The following TSPAN12 variants were observed in gnomAD, a reference collection of about 807,000 sequenced individuals.
The protein encoded by TSPAN12 is tetraspanin-12.
Under a neutral mutation model 39.2 loss-of-function variants are expected in TSPAN12, and 19 were observed. The observed-to-expected ratio is 0.49, with a 90% CI of 0.34 to 0.71. The LOEUF (loss-of-function observed/expected upper bound fraction) is 0.71. Ranked by LOEUF, TSPAN12 falls within the 30% of genes least tolerant of loss-of-function variation. The pLI, the probability that TSPAN12 is intolerant of heterozygous loss-of-function variation, is 0.01. For synonymous variants in TSPAN12, 119 were observed against 124.8 expected (o/e 0.95, Z 0.31); for missense variants, 314 against 359.9 (o/e 0.87, Z 1.03).
intron 4 of TSPAN12, among the ~76,000 whole-genome samples, chr7:120,836,217 C>A (rs541631428): frequency 6.6e-6 from 1 of 152,196 alleles, no homozygotes; most frequent in East Asian, 1.9e-4. Flanking sequence ...GAGAAACAGA[C>A]CAGATGCAAA....
intron 2 of TSPAN12, among the ~76,000 whole-genome samples, chr7:120,844,017 T>G (rs1794625451): frequency 6.6e-6 from 1 of 152,114 alleles, no homozygotes; most frequent in Admixed American, 6.5e-5. Flanking sequence ...GAAACATGGC[T>G]GGGGAGGCCT....
intron 7 of TSPAN12, among the ~76,000 whole-genome samples, chr7:120,793,100 T>C (rs548344263): frequency 6.6e-6 from 1 of 152,308 alleles, no homozygotes; most frequent in South Asian, 2.1e-4. Flanking sequence ...GAATCAATTA[T>C]CCCTTTCTCT....
At chr7:120,847,205 A>T (rs1584953013) in intron 2 of TSPAN12, among the ~76,000 whole-genome samples, 1 of 150,672 alleles carries the variant, frequency 6.6e-6, no homozygotes, top group African/African-American at 2.5e-5. Flanking sequence ...TATAAAAATA[A>T]GTCCTACTTC....
At chr7:120,797,429 A>G (rs984318439) in intron 7 of TSPAN12, among the ~76,000 whole-genome samples, 10 of 152,386 alleles carry the variant, frequency 6.6e-5, no homozygotes, top group Non-Finnish European at 1.3e-4. Flanking sequence ...GCCTGGCAGC[A>G]TAGACTAGGT....
Position 120,788,855 on chromosome 7 carries a change from G to C in TSPAN12, c.655C>G (p.Gln219Glu), listed in dbSNP as rs1166759125. 6 of 1,613,994 alleles carry C rather than the reference G, an allele frequency of 3.7e-6. No homozygotes were observed. Among genetic ancestry groups the C allele is most frequent in the South Asian group, 1.1e-5 (1 of 91,082 alleles). The part of the protein sequence containing the change: ...KMYSFLRGTK[Q>E]LQVLRFLGIS... ...CCCAGAAACCTCAGCACCTGCAGTT[G>C]TTTGGTTCCTCTCAAAAAGGAATAC... The change falls in exon 8 of 8, where the codon CAA (glutamine) becomes GAA (glutamate). Residue 219 changes from glutamine (Q) to glutamate (E), a missense_variant. Transcript: ENST00000222747.
rs1793459072 is a variant in TSPAN12 at position 120,788,736 on chromosome 7, G to A, written c.774C>T (p.Asp258=). 6.2e-7 allele frequency: 1 copy of A among 1,614,116 alleles called. No individual in the cohort carries two copies. The highest frequency in any genetic ancestry group is 1.1e-5 in the South Asian group (1 of 91,086). ...TGTCATTCTTCAAGGACATCATTTG[G>A]TCTGTCCCCGGCTCCCTTCTATCAT... ...LYYDRREPGT[D]QMMSLKNDNS... is the part of the protein sequence containing the mutation. The change falls in exon 8 of 8, where the codon GAC becomes GAT. Residue 258 remains aspartate (D), a synonymous_variant. Transcript: ENST00000222747.
intron 7 of TSPAN12, 62 bp from the exon 8 acceptor site, chr7:120,788,959 A>C: frequency 6.6e-7 from 1 of 1,520,296 alleles, no homozygotes. Context: ...AAAAATAGTT[A>C]ATGAAAGCAA....
intron 6 of TSPAN12, among the ~76,000 whole-genome samples, chr7:120,809,444 A>T (rs1193027495): frequency 1.3e-5 from 2 of 152,178 alleles, no homozygotes; most frequent in Non-Finnish European, 2.9e-5. Flanking sequence ...AATAAACAGG[A>T]AATCTGTGTT....
chr7:120,799,664 A>T (rs1584925151), intron 7 of TSPAN12, among the ~76,000 whole-genome samples: 2 of 118,382 alleles, frequency 1.7e-5, no homozygotes, highest in Non-Finnish European at 3.2e-5. Context: ...AATATATAAA[A>T]ATATATAATT....
At chr7:120,809,304 C>T (rs576895458) in intron 6 of TSPAN12, among the ~76,000 whole-genome samples, 16 of 152,140 alleles carry the variant, frequency 1.1e-4, no homozygotes, top group African/African-American at 3.4e-4. Context: ...CAGAAAATAA[C>T]GAGCTCTGGG....
chr7:120,849,433 T>C (rs1247381602), intron 2 of TSPAN12, among the ~76,000 whole-genome samples: 3 of 152,202 alleles, frequency 2.0e-5, no homozygotes, highest in Non-Finnish European at 4.4e-5. Flanking sequence ...TTCCATAAAA[T>C]AGTAAGGTCA....
chr7:120,818,078 T>C (rs1794118684), intron 4 of TSPAN12, among the ~76,000 whole-genome samples: 1 of 152,088 alleles, frequency 6.6e-6, no homozygotes, highest in Non-Finnish European at 1.5e-5. Flanking sequence ...GCAATGCTGT[T>C]AAGACTTCAG....
intron 7 of TSPAN12, among the ~76,000 whole-genome samples, chr7:120,797,144 C>G (rs41625): frequency 0.86 from 131,154 of 152,232 alleles, 56,900 homozygotes; most frequent in East Asian, 0.99. Flanking sequence ...GCGACAGAGC[C>G]AGATTTCATC....
At chr7:120,827,964 C>A (rs1476839424) in intron 4 of TSPAN12, among the ~76,000 whole-genome samples, 1 of 152,054 alleles carries the variant, frequency 6.6e-6, no homozygotes, top group Non-Finnish European at 1.5e-5. Context: ...TGTCTAGATG[C>A]CTAATTTAGC....
intron 5 of TSPAN12, chr7:120,814,072 C>T (rs1250869275): frequency 1.1e-5 from 4 of 380,388 alleles, no homozygotes; most frequent in South Asian, 6.0e-5. Flanking sequence ...TGTGCCAAAG[C>T]ACCACTGACA....
chr7:120,844,081 G>A (rs1794628155), intron 2 of TSPAN12, among the ~76,000 whole-genome samples: 2 of 152,108 alleles, frequency 1.3e-5, no homozygotes, highest in African/African-American at 2.4e-5. Flanking sequence ...TACATGGCCA[G>A]AGCAGGAGAA....
At chr7:120,814,487 C>A in intron 5 of TSPAN12, among the ~76,000 whole-genome samples, 1 of 152,184 alleles carries the variant, frequency 6.6e-6, no homozygotes, top group East Asian at 1.9e-4. Flanking sequence ...GGAAAATCAC[C>A]ATTTTACTAA....
intron 7 of TSPAN12, among the ~76,000 whole-genome samples, chr7:120,795,351 T>C (rs1416785629): frequency 6.6e-6 from 1 of 152,216 alleles, no homozygotes; most frequent in East Asian, 1.9e-4. Flanking sequence ...CTATTAGCTG[T>C]AAATAATAAC....
chr7:120,828,819 A>C (rs536771417), intron 4 of TSPAN12, among the ~76,000 whole-genome samples: 2 of 152,200 alleles, frequency 1.3e-5, no homozygotes, highest in South Asian at 4.2e-4. Flanking sequence ...AGAATGTGAA[A>C]CTGTAAAATA....
Sources: gnomAD v4.1 joint callset for allele counts (sites outside exome capture counted in the v4.1 genomes callset) on GRCh38, gnomAD v4.1.1 for gene constraint, MANE v1.5 for transcripts, NCBI Gene and HGNC (gene_info 2026-07-23, HGNC 2026-07-21) for gene names.